Variants in IGSF21 observed in about 807,000 individuals in gnomAD.
IGSF21 encodes immunoglobin superfamily member 21, also known as immunoglobulin superfamily member 21.
IGSF21 carries 28 observed loss-of-function variants against 46.8 expected under a neutral mutation model. The ratio of observed to expected loss-of-function variants is 0.60; its 90% CI spans 0.44 to 0.82. The LOEUF (loss-of-function observed/expected upper bound fraction) is 0.82, where lower values mean the gene tolerates loss of function less well. IGSF21 is among the 40% of genes least tolerant of loss of function. IGSF21 has a pLI of 0.00. For missense variants in IGSF21, 624 were observed against 665.5 expected (o/e 0.94, Z 0.69); for synonymous variants, 284 against 273.6 (o/e 1.04, Z -0.38).
intron 1 of IGSF21, among the ~76,000 whole-genome samples, chr1:18,151,277 A>G (rs1168225312): frequency 6.6e-6 from 1 of 152,206 alleles, no homozygotes; most frequent in Non-Finnish European, 1.5e-5. Flanking sequence ...GTAAAAGTGT[A>G]TTTTTTGTTC....
intron 5 of IGSF21, among the ~76,000 whole-genome samples, chr1:18,363,097 C>T (rs1163483385): frequency 6.6e-6 from 1 of 152,214 alleles, no homozygotes; most frequent in Non-Finnish European, 1.5e-5. Flanking sequence ...ACTCTCATTG[C>T]ACCTGAAGCA....
chr1:18,147,885 T>A (rs1369773886), intron 1 of IGSF21, among the ~76,000 whole-genome samples: 3 of 151,964 alleles, frequency 2.0e-5, no homozygotes, highest in African/African-American at 7.3e-5. Flanking sequence ...TGGTGGGAGG[T>A]AATTGAATCG....
At chr1:18,328,363 G>A (rs599784) in intron 3 of IGSF21, among the ~76,000 whole-genome samples, 17,339 of 152,174 alleles carry the variant, frequency 0.11, 2,738 homozygotes, top group African/African-American at 0.35. Flanking sequence ...CTCATGGAAT[G>A]TATTAAATAC....
rs548555080 is a variant in IGSF21 at position 18,334,713 on chromosome 1, G to A, written c.306-179G>A. Among the ~76,000 whole-genome samples the A allele has an allele frequency of 1.9e-4, 29 of 152,272 alleles. No homozygotes were observed. The highest frequency in any genetic ancestry group is 3.9e-4 in the Admixed American group (6 of 15,296). Reference sequence around the variant, plus strand: ...CCACACCTTCACTGTCTGAGATGCCGAGCACAGGGTCTGCATACAGTCGGT... The same window carrying A: ...CCACACCTTCACTGTCTGAGATGCCAAGCACAGGGTCTGCATACAGTCGGT... On this transcript the variant is annotated intron_variant, in intron 3 of 9. Transcript: ENST00000251296. The surrounding 1 kb of genome is among the most constrained non-coding windows in gnomAD (Gnocchi z 4.3).
intron 2 of IGSF21, among the ~76,000 whole-genome samples, chr1:18,245,571 A>G (rs947460624): frequency 6.6e-6 from 1 of 152,112 alleles, no homozygotes; most frequent in East Asian, 1.9e-4. Context: ...TTTTCTCTTT[A>G]ATAAGCATGT....
At chr1:18,173,714 GTTTTA>G (rs1162080346) in intron 1 of IGSF21, among the ~76,000 whole-genome samples, 1 of 152,172 alleles carries the variant, frequency 6.6e-6, no homozygotes, top group Non-Finnish European at 1.5e-5. Context: ...GTGGATTTGA[GTTTTA>G]TTTTGTTTTG....
intron 1 of IGSF21, among the ~76,000 whole-genome samples, chr1:18,175,187 T>A (rs2086783358): frequency 6.6e-6 from 1 of 152,208 alleles, no homozygotes; most frequent in South Asian, 2.1e-4. Flanking sequence ...CTCAGAATTC[T>A]GTCTCTGCCT....
At chr1:18,190,756 T>A (rs368784907) in intron 1 of IGSF21, among the ~76,000 whole-genome samples, 1 of 152,176 alleles carries the variant, frequency 6.6e-6, no homozygotes, top group Non-Finnish European at 1.5e-5. Flanking sequence ...CCAGCTGTTA[T>A]CGGGGATTTG....
intron 2 of IGSF21, among the ~76,000 whole-genome samples, chr1:18,276,568 C>T (rs1031946105): frequency 2.6e-5 from 4 of 152,200 alleles, no homozygotes; most frequent in Admixed American, 2.6e-4. Flanking sequence ...CCCCCGACCC[C>T]CGCCATCTCT....
chr1:18,310,361 C>T (rs1169392116), intron 3 of IGSF21, among the ~76,000 whole-genome samples: 2 of 152,078 alleles, frequency 1.3e-5, no homozygotes, highest in Non-Finnish European at 2.9e-5. Flanking sequence ...ACTAGTTTTT[C>T]CTTAAGTCTA....
intron 1 of IGSF21, among the ~76,000 whole-genome samples, chr1:18,227,191 C>G (rs1399521037): frequency 6.6e-6 from 1 of 152,146 alleles, no homozygotes; most frequent in Non-Finnish European, 1.5e-5. Context: ...ACCCGACCCT[C>G]CCTTTAGGTG....
intron 6 of IGSF21, among the ~76,000 whole-genome samples, chr1:18,368,230 G>A (rs1365743027): frequency 2.6e-5 from 4 of 151,890 alleles, no homozygotes. Flanking sequence ...GCAGGGCCAG[G>A]CACAGTGTCT....
Position 18,158,780 on chromosome 1 carries a change from G to A in IGSF21, c.70+50582G>A, listed in dbSNP as rs191435794. On this transcript the variant is annotated intron_variant, in intron 1 of 9. Transcript: ENST00000251296. ...AGCCATGTTCTTCAGGCTAAGTACT[G>A]GATATGGGTGATAGGCATTGAGAAA... 1.1e-3 allele frequency among the ~76,000 whole-genome samples: 169 copies of A among 152,340 alleles called. 1 individual carries two copies. The highest frequency in any genetic ancestry group is 3.8e-3 in the African/African-American group (159 of 41,574).
At chr1:18,328,240 C>T (rs1005946246) in intron 3 of IGSF21, among the ~76,000 whole-genome samples, 2 of 152,254 alleles carry the variant, frequency 1.3e-5, no homozygotes, top group Non-Finnish European at 2.9e-5. Context: ...ATCTACAGAA[C>T]ATCATGGCTT....
chr1:18,280,034 C>T (rs1434977386), intron 2 of IGSF21, among the ~76,000 whole-genome samples: 8 of 152,196 alleles, frequency 5.3e-5, no homozygotes, highest in Admixed American at 4.6e-4. Flanking sequence ...GGGCATCTGT[C>T]CCATGATGAG....
intron 1 of IGSF21, among the ~76,000 whole-genome samples, chr1:18,198,682 A>G (rs1164624700): frequency 2.7e-5 from 4 of 149,936 alleles, no homozygotes; most frequent in African/African-American, 9.7e-5. Context: ...GTATGGGATC[A>G]AGAGAGAGAG....
At position 18,134,913 on chromosome 1, in the gene IGSF21, T is replaced by G. The variant is rs144206243; in HGVS notation, c.70+26715T>G. Among the ~76,000 whole-genome samples the G allele has an allele frequency of 1.4e-3, 220 of 152,340 alleles. 1 individual carries two copies. The highest frequency in any genetic ancestry group is 1.5e-3 in the Non-Finnish European group (104 of 68,034). On this transcript the variant is annotated intron_variant, in intron 1 of 9. Coordinates refer to ENST00000251296, the MANE Select transcript of IGSF21 (RefSeq NM_032880.5). ...GGAGATTAGAGGATTCTCTGTGATT[T>G]AGATTGAGCAACAGATTTTTCTGGA...
rs189197328 is a variant in IGSF21 at position 18,275,539 on chromosome 1, C to T, written c.184-16327C>T. On this transcript the variant is annotated intron_variant, in intron 2 of 9. Transcript: ENST00000251296. The stretch of plus-strand genomic sequence containing the variant: ...CAGTTTAATGGGACCCTCTCTCTGA[C>T]GATGCTGTTCTCCCCATGCTCACCT... Among the ~76,000 whole-genome samples, 16 of 152,228 alleles carry T rather than the reference C, an allele frequency of 1.1e-4. No individual in the cohort carries two copies. The South Asian group carries it at 2.3e-3, about 22-fold the overall frequency.
intron 1 of IGSF21, among the ~76,000 whole-genome samples, chr1:18,117,954 C>T (rs1414347324): frequency 6.6e-6 from 1 of 152,166 alleles, no homozygotes; most frequent in Non-Finnish European, 1.5e-5. Context: ...ATGTCAGGGA[C>T]CTGTCCCAGG....
Sources: allele counts gnomAD v4.1 joint callset (sites outside exome capture counted in the v4.1 genomes callset), GRCh38; gene constraint gnomAD v4.1.1; non-coding constraint Gnocchi (gnomAD v3.1); transcripts MANE v1.5; gene names NCBI Gene and HGNC (gene_info 2026-07-23, HGNC 2026-07-21).